The following RABGAP1 variants were observed in gnomAD, a reference collection of about 807,000 sequenced individuals.
The protein encoded by RABGAP1 is RAB GTPase activating protein 1.
RABGAP1 carries 23 observed loss-of-function variants against 137.6 expected under a neutral mutation model. That is an observed-to-expected ratio of 0.17 (90% confidence interval 0.12 to 0.24). RABGAP1 has a LOEUF of 0.24. RABGAP1 is among the 10% of genes least tolerant of loss of function. The pLI is 1.00. For missense variants in RABGAP1, 906 were observed against 1,275.8 expected, an observed-to-expected ratio of 0.71 and a Z score of 4.42; for synonymous variants, 451 against 450.7, an observed-to-expected ratio of 1.00 and a Z score of -0.01.
intron 13 of RABGAP1, among the ~76,000 whole-genome samples, chr9:123,026,385 G>T (rs1588291810): frequency 6.6e-6 from 1 of 152,038 alleles, no homozygotes; most frequent in East Asian, 1.9e-4. Flanking sequence ...TTTTTATTAG[G>T]AATGTTACTG....
chr9:122,977,996 T>A (rs1247181990), intron 2 of RABGAP1, among the ~76,000 whole-genome samples: 1 of 152,234 alleles, frequency 6.6e-6, no homozygotes, highest in Non-Finnish European at 1.5e-5. Context: ...GAAATCATAC[T>A]TTTTCTGTTT....
At chr9:123,038,381 C>T (rs375982482) in intron 13 of RABGAP1, among the ~76,000 whole-genome samples, 7 of 151,796 alleles carry the variant, frequency 4.6e-5, no homozygotes, top group Middle Eastern at 3.4e-3. Flanking sequence ...TTTTTTTTAC[C>T]GTAAATGCAT....
At chr9:123,023,473 A>G (rs2031774210) in intron 13 of RABGAP1, among the ~76,000 whole-genome samples, 2 of 152,048 alleles carry the variant, frequency 1.3e-5, no homozygotes, top group Non-Finnish European at 2.9e-5. Flanking sequence ...GTGAGCCACC[A>G]CACCCATCCT....
At chr9:123,005,288 AT>A (rs35028470) in intron 10 of RABGAP1, among the ~76,000 whole-genome samples, 109,974 of 146,676 alleles carry the variant, frequency 0.75, 42,989 homozygotes, top group Middle Eastern at 0.89. Context: ...GGGGCTTGGG[AT>A]TTTTTTTTTT....
At chr9:123,049,098 G>T (rs2033345291) in intron 13 of RABGAP1, among the ~76,000 whole-genome samples, 1 of 152,192 alleles carries the variant, frequency 6.6e-6, no homozygotes, top group Admixed American at 6.5e-5. Context: ...CATCTTTTCT[G>T]AGGAAGTCAT....
At chr9:123,086,496 G>A (rs2034870382) in intron 19 of RABGAP1, among the ~76,000 whole-genome samples, 1 of 152,150 alleles carries the variant, frequency 6.6e-6, no homozygotes, top group Non-Finnish European at 1.5e-5. Context: ...AAATGCCCCT[G>A]CTGCTGCTGG....
rs549340254 is a variant in RABGAP1, at chr9:123,036,811, A to G, written c.1794+16352A>G. Among the ~76,000 whole-genome samples the G allele has an allele frequency of 5.9e-4, 90 of 151,914 alleles. 1 individual carries two copies. The highest frequency in any genetic ancestry group is 1.0e-3 in the South Asian group (5 of 4,820). On this transcript the variant is annotated intron_variant, in intron 13 of 25. Transcript: ENST00000373647. The stretch of plus-strand genomic sequence containing the variant: ...AAAATCCTTTGGCATACAGTTCTTA[A>G]TGGTCTTTTTTTTTTTTCCTGCCAA...
At chr9:123,043,674 T>C (rs975002459) in intron 13 of RABGAP1, among the ~76,000 whole-genome samples, 1 of 151,924 alleles carries the variant, frequency 6.6e-6, no homozygotes, top group Non-Finnish European at 1.5e-5. Flanking sequence ...AGAGCTACAG[T>C]AGCATCTTCC....
chr9:122,983,723 AT>A (rs1836208969), intron 2 of RABGAP1, among the ~76,000 whole-genome samples: 1 of 152,012 alleles, frequency 6.6e-6, no homozygotes, highest in Non-Finnish European at 1.5e-5. Flanking sequence ...TCTTTTGTTA[AT>A]TTTTTTAGTA....
At chr9:122,958,666 A>G (rs1256305987) in intron 2 of RABGAP1, among the ~76,000 whole-genome samples, 1 of 152,146 alleles carries the variant, frequency 6.6e-6, no homozygotes, top group African/African-American at 2.4e-5. Flanking sequence ...CATTGTGAAC[A>G]TGTACCCTAG....
chr9:123,071,962 C>G (rs1410254750), intron 15 of RABGAP1, among the ~76,000 whole-genome samples: 1 of 152,010 alleles, frequency 6.6e-6, no homozygotes, highest in East Asian at 1.9e-4. Context: ...GCTTTGAAGC[C>G]CAGATAAGGA....
intron 13 of RABGAP1, among the ~76,000 whole-genome samples, chr9:123,046,271 G>A (rs1016057242): frequency 5.3e-5 from 8 of 152,198 alleles, no homozygotes; most frequent in Non-Finnish European, 1.0e-4. Flanking sequence ...ACTTCAGGAG[G>A]TGGAAAGGAA....
chr9:123,063,103 C>T (rs1194231177), intron 13 of RABGAP1: 2 of 152,200 alleles, frequency 1.3e-5, no homozygotes, highest in African/African-American at 4.8e-5. Context: ...TCTCATATCT[C>T]TAATAACTGT....
In RABGAP1 at chr9:123,104,249, A is replaced by G. The variant is rs2035435478; in HGVS notation, c.*1036A>G. On this transcript the variant is annotated 3_prime_UTR_variant, in exon 26 of 26. Transcript: ENST00000373647. ...GAAAGACTGAGTTGCGTGTCTGTAA[A>G]TGTCTGCGCAGGGTGCACATGCTGC... is the stretch of plus-strand genomic sequence containing the variant. 1 of 152,410 alleles carries G rather than the reference A, an allele frequency of 6.6e-6. No homozygotes were observed. Among genetic ancestry groups the G allele is most frequent in the Non-Finnish European group, 1.5e-5 (1 of 68,012 alleles). The allele number at this position is 152,410 out of a possible 1,614,324, so 9.4% of individuals were successfully genotyped here. A position where few individuals can be genotyped will look rare whatever the true frequency, so the allele number is the denominator to read the frequency against.
intron 1 of RABGAP1, among the ~76,000 whole-genome samples, chr9:122,944,549 C>G (rs1038677522): frequency 6.7e-6 from 1 of 150,192 alleles, no homozygotes; most frequent in African/African-American, 2.5e-5. Flanking sequence ...TCTTTTGAAA[C>G]GGAGTCTCAC....
the RABGAP1 span, among the ~76,000 whole-genome samples, chr9:122,935,121 G>A: frequency 5.9e-5 from 9 of 152,070 alleles, no homozygotes; most frequent in African/African-American, 1.2e-4. Context: ...ATCATGAAAC[G>A]TTTGATTCCC....
intron 1 of RABGAP1, among the ~76,000 whole-genome samples, chr9:122,954,219 C>T (rs1476258691): frequency 6.6e-6 from 1 of 152,178 alleles, no homozygotes; most frequent in African/African-American, 2.4e-5. Flanking sequence ...GCAGCAAGTT[C>T]TGGGGTACCT....
rs558275628 is a variant in RABGAP1, at chr9:122,961,627, CTA to C, written c.150+4421_150+4422del. Among the ~76,000 whole-genome samples, 182 of 152,296 alleles carry C rather than the reference CTA, an allele frequency of 1.2e-3. 1 individual carries two copies. Among genetic ancestry groups the C allele is most frequent in the South Asian group, 2.1e-3 (10 of 4,818 alleles). On this transcript the variant is annotated intron_variant, in intron 2 of 25. Coordinates refer to ENST00000373647, the MANE Select transcript of RABGAP1 (RefSeq NM_012197.4). ...TAAAAATAATTATGTAGTAATAACA[CTA>C]TAAATGCATATTTTCTCCTTTTCTC...
chr9:123,065,995 A>G (rs914242092), intron 14 of RABGAP1, among the ~76,000 whole-genome samples: 9 of 152,168 alleles, frequency 5.9e-5, no homozygotes, highest in African/African-American at 1.7e-4. Context: ...GGCACATTAG[A>G]GCTATTGGGT....
Sources: gnomAD v4.1 joint callset for allele counts (sites outside exome capture counted in the v4.1 genomes callset) on GRCh38, gnomAD v4.1.1 for gene constraint, MANE v1.5 for transcripts, NCBI Gene and HGNC (gene_info 2026-07-23, HGNC 2026-07-21) for gene names.